Variants in QPRT observed in about 807,000 individuals in gnomAD.
QPRT encodes nicotinate-nucleotide pyrophosphorylase [carboxylating].
A neutral mutation model predicts 19.8 loss-of-function variants in QPRT; 17 were observed. That is an observed-to-expected ratio of 0.86 (90% CI 0.59 to 1.29). QPRT has a LOEUF of 1.29. Ranked by LOEUF, QPRT falls within the 50% of genes most tolerant of loss-of-function variation. QPRT has a pLI of 0.00. For synonymous variants in QPRT, 178 were observed against 191.0 expected (o/e 0.93, Z 0.56); for missense variants, 336 against 405.1 (o/e 0.83, Z 1.46).
intron 1 of QPRT, among the ~76,000 whole-genome samples, chr16:29,679,502 G>A (rs1164607315): frequency 6.6e-6 from 1 of 152,138 alleles, no homozygotes; most frequent in Non-Finnish European, 1.5e-5. Flanking sequence ...TCTCCTGGGG[G>A]CAGTGGGGGC....
chr16:29,695,479 T>G (rs1424308550), intron 2 of QPRT, among the ~76,000 whole-genome samples: 1 of 150,450 alleles, frequency 6.6e-6, no homozygotes, highest in Non-Finnish European at 1.5e-5. Flanking sequence ...ACTGGCTAAT[T>G]TTTGCTTTTT....
At chr16:29,695,657 T>G (rs1967510566) in intron 2 of QPRT, 1 of 154,718 alleles carries the variant, frequency 6.5e-6, no homozygotes, top group Admixed American at 6.4e-5. Context: ...GCCCGGCTAA[T>G]TTTTGTATTT....
rs1967592034 is a variant in QPRT at position 29,697,672 on chromosome 16, G to C, written c.*261G>C. On this transcript the variant is annotated 3_prime_UTR_variant, in exon 4 of 4. Coordinates refer to ENST00000395384, the MANE Select transcript of QPRT (RefSeq NM_014298.6). This position sits in a 1 kb window ranked among gnomAD's most constrained non-coding sequence, Gnocchi z 4.4. ...TGCGGTGATAATGAGCACATAGTGA[G>C]GGGTCAGCAAATGTCAGAAGTTACC... 2.2e-6 allele frequency: 1 copy of C among 465,042 alleles called. No homozygotes were observed. 28.8% of individuals were successfully genotyped at this position (465,042 alleles called of 1,614,324 possible).
intron 1 of QPRT, among the ~76,000 whole-genome samples, chr16:29,682,339 C>T (rs1424206078): frequency 6.6e-6 from 1 of 151,762 alleles, no homozygotes; most frequent in Non-Finnish European, 1.5e-5. Context: ...GTGCCTGGCT[C>T]AAATCTTTTC....
chr16:29,686,173 T>C (rs934686575), intron 1 of QPRT, among the ~76,000 whole-genome samples: 47 of 152,118 alleles, frequency 3.1e-4, no homozygotes, highest in African/African-American at 1.1e-3. Flanking sequence ...AAAATGAAAT[T>C]TTATGATGGC....
At chr16:29,687,485 T>C (rs986946514) in intron 1 of QPRT, among the ~76,000 whole-genome samples, 2 of 152,166 alleles carry the variant, frequency 1.3e-5, no homozygotes, top group African/African-American at 2.4e-5. Context: ...CACTAAGTGA[T>C]TGTGGACTGG....
chr16:29,690,752 T>C (rs892020337), intron 1 of QPRT, among the ~76,000 whole-genome samples: 2 of 152,144 alleles, frequency 1.3e-5, no homozygotes, highest in African/African-American at 4.8e-5. Flanking sequence ...TGCAGCGGCA[T>C]GACCTCAGCT....
At chr16:29,692,208 T>A (rs1967363361) in intron 1 of QPRT, among the ~76,000 whole-genome samples, 1 of 152,206 alleles carries the variant, frequency 6.6e-6, no homozygotes, top group Non-Finnish European at 1.5e-5. Flanking sequence ...CATCACGGGC[T>A]ATGCCTACCG....
At chr16:29,692,124 G>T (rs1286917216) in intron 1 of QPRT, among the ~76,000 whole-genome samples, 2 of 152,232 alleles carry the variant, frequency 1.3e-5, no homozygotes, top group African/African-American at 2.4e-5. Context: ...TTAGGCTGCA[G>T]GTCTTCTCCC....
At chr16:29,690,306 T>G (rs1032048935) in intron 1 of QPRT, among the ~76,000 whole-genome samples, 1 of 152,228 alleles carries the variant, frequency 6.6e-6, no homozygotes, top group Non-Finnish European at 1.5e-5. Context: ...AATCATGTCT[T>G]TCCTATGGTG....
chr16:29,682,333 C>T (rs1414818287), intron 1 of QPRT, among the ~76,000 whole-genome samples: 1 of 151,996 alleles, frequency 6.6e-6, no homozygotes, highest in Non-Finnish European at 1.5e-5. Flanking sequence ...GCCACCGTGC[C>T]TGGCTCAAAT....
rs575525554 is a variant in QPRT at position 29,686,679 on chromosome 16, T to C, written c.13+7469T>C. Among the ~76,000 whole-genome samples the C allele has an allele frequency of 5.8e-4, 89 of 152,236 alleles. 1 individual carries two copies. The South Asian group carries it at 0.018, about 31-fold the overall frequency. ...TTTTTTTAATTTTTTTTATTTTTTG[T>C]ATTTTTAGTAGAGACGGGGTTTCAC... On this transcript the variant is annotated intron_variant, in intron 1 of 3. Transcript: ENST00000395384.
At chr16:29,696,920 G>A (rs929485831) in intron 2 of QPRT, 76 bp from the exon 3 acceptor site, 11 of 1,482,282 alleles carry the variant, frequency 7.4e-6, no homozygotes, top group African/African-American at 2.8e-5. Flanking sequence ...CGTCACCCTC[G>A]CCCTCCCGGC....
At chr16:29,690,702 T>G (rs1967300901) in intron 1 of QPRT, among the ~76,000 whole-genome samples, 1 of 152,140 alleles carries the variant, frequency 6.6e-6, no homozygotes, top group Non-Finnish European at 1.5e-5. Flanking sequence ...GGTTTCTTCT[T>G]TTTTTGAGAT....
Position 29,679,216 on chromosome 16 carries a change from G to A in QPRT, c.13+6G>A. 1.9e-6 allele frequency: 3 copies of A among 1,607,206 alleles called. 1 individual carries two copies. The Middle Eastern group carries it at 5.0e-4, about 266-fold the overall frequency. On this transcript the variant is annotated splice_donor_region_variant and intron_variant, in intron 1 of 3. Transcript: ENST00000395384. ...AGTCACCATGGACGCTGAAGGTAAA[G>A]GGACACTCTCTCTGCCATGTCCCTG...
At chr16:29,680,124 A>AT (rs1157931722) in intron 1 of QPRT, among the ~76,000 whole-genome samples, 1 of 151,654 alleles carries the variant, frequency 6.6e-6, no homozygotes, top group Admixed American at 6.6e-5. Context: ...CGCCTGGCTA[A>AT]TTTTTTGTAT....
At chr16:29,684,317 C>T (rs940864687) in intron 1 of QPRT, among the ~76,000 whole-genome samples, 7 of 151,792 alleles carry the variant, frequency 4.6e-5, no homozygotes, top group South Asian at 2.1e-4. Flanking sequence ...TTTTTTGAGA[C>T]GGAGTTTTGC....
At chr16:29,694,311 G>A (rs1967445132) in intron 1 of QPRT, among the ~76,000 whole-genome samples, 2 of 151,902 alleles carry the variant, frequency 1.3e-5, no homozygotes, top group Non-Finnish European at 2.9e-5. Context: ...AGTAGAGACG[G>A]GGTTTCACCA....
At chr16:29,686,242 C>T (rs1360368523) in intron 1 of QPRT, among the ~76,000 whole-genome samples, 2 of 152,154 alleles carry the variant, frequency 1.3e-5, no homozygotes, top group Non-Finnish European at 2.9e-5. Flanking sequence ...CCTGTGGCCT[C>T]TCCTCCCACC....
Sources: allele counts gnomAD v4.1 joint callset (sites outside exome capture counted in the v4.1 genomes callset), GRCh38; gene constraint gnomAD v4.1.1; non-coding constraint Gnocchi (gnomAD v3.1); transcripts MANE v1.5; gene names NCBI Gene and HGNC (gene_info 2026-07-23, HGNC 2026-07-21).